UGT8: variants seen among roughly 807,000 people sequenced by gnomAD.
UGT8 encodes UDP glycosyltransferase 8.
Under a neutral mutation model 40.5 loss-of-function variants are expected in UGT8, and 12 were observed. The observed-to-expected ratio is 0.30, with a 90% CI of 0.19 to 0.48. The LOEUF is 0.48. Ranked by LOEUF, UGT8 falls within the 20% of genes least tolerant of loss-of-function variation. The pLI is 0.99. For missense variants in UGT8, 513 were observed against 648.7 expected, an observed-to-expected ratio of 0.79 and a Z score of 2.27; for synonymous variants, 224 against 240.4, an observed-to-expected ratio of 0.93 and a Z score of 0.63.
At chr4:114,611,464 A>G (rs1447511814) in intron 1 of UGT8, among the ~76,000 whole-genome samples, 2 of 141,784 alleles carry the variant, frequency 1.4e-5, no homozygotes, top group African/African-American at 5.2e-5. Context: ...ACACAGAGAT[A>G]TTAGATATAT....
rs753818310 is a variant in UGT8 at position 114,623,001 on chromosome 4, C to T, written c.121C>T (p.Leu41=). Residue 41 remains leucine (L), a synonymous_variant, in exon 2 of 6, where the codon CTA becomes TTA. Coordinates refer to ENST00000310836, the MANE Select transcript of UGT8 (RefSeq NM_001128174.3). The part of the protein sequence containing the change: ...FESHMYIFKT[L]ASALHERGHH... ...AAGCCATATGTACATTTTCAAGACGCTAGCCTCAGCCTTGCACGAGAGAGG... is the reference window on the plus strand; with the variant it reads ...AAGCCATATGTACATTTTCAAGACGTTAGCCTCAGCCTTGCACGAGAGAGG... 1.1e-5 allele frequency: 18 copies of T among 1,614,008 alleles called. No homozygotes were observed. The African/African-American group carries it at 1.9e-4, about 17-fold the overall frequency.
At chr4:114,615,042 G>A (rs1015579757) in intron 1 of UGT8, among the ~76,000 whole-genome samples, 12 of 152,086 alleles carry the variant, frequency 7.9e-5, no homozygotes, top group Non-Finnish European at 1.6e-4. Flanking sequence ...ACAGATGAAA[G>A]ATACATGTTT....
At chr4:114,610,000 C>A (rs1242394841) in intron 1 of UGT8, among the ~76,000 whole-genome samples, 1 of 152,098 alleles carries the variant, frequency 6.6e-6, no homozygotes. Context: ...GTCTAAGTAT[C>A]TAAGGCTTTA....
intron 1 of UGT8, among the ~76,000 whole-genome samples, chr4:114,610,673 T>C (rs2126087887): frequency 6.6e-6 from 1 of 152,270 alleles, no homozygotes; most frequent in African/African-American, 2.4e-5. Context: ...GTGATGATGG[T>C]AGAATTTTAT....
intron 5 of UGT8, among the ~76,000 whole-genome samples, chr4:114,669,994 C>T (rs993574171): frequency 5.9e-5 from 9 of 152,088 alleles, no homozygotes; most frequent in African/African-American, 2.2e-4. Context: ...TAGTTTGCCT[C>T]ACTAATATTG....
rs551184110 is a variant in UGT8, at chr4:114,676,427, G to A, written c.*139G>A. ...TTATGAGATCTACTAATGAAATTCT[G>A]TGGAATTAAGATGGCTGTAAAAAGC... On this transcript the variant is annotated 3_prime_UTR_variant, in exon 6 of 6. Transcript: ENST00000310836. The A allele has an allele frequency of 4.2e-6, 3 of 712,118 alleles. No individual in the cohort carries two copies. The highest frequency in any genetic ancestry group is 3.2e-5 in the Admixed American group (1 of 31,184). The allele number at this position is 712,118 out of a possible 1,614,324, so 44.1% of individuals were successfully genotyped here. A position where few individuals can be genotyped will look rare whatever the true frequency, so the allele number is the denominator to read the frequency against.
chr4:114,645,433 A>G (rs950985411), intron 2 of UGT8, among the ~76,000 whole-genome samples: 1 of 152,216 alleles, frequency 6.6e-6, no homozygotes. Context: ...TATCAAGCTC[A>G]GGTCTTTTTG....
rs117443808 is a variant in UGT8, at chr4:114,672,384, A to G, written c.1263-3541A>G. ...CACAAGCACACGTATGTTTATTGCA[A>G]TACAATTATAATAGCAAACACATAG... On this transcript the variant is annotated intron_variant, in intron 5 of 5. Coordinates refer to ENST00000310836, the MANE Select transcript of UGT8 (RefSeq NM_001128174.3). Among the ~76,000 whole-genome samples the G allele has an allele frequency of 1.9e-3, 285 of 152,212 alleles. 8 individuals carry two copies. In the East Asian group the frequency reaches 0.05, roughly 27 times the overall value.
intron 2 of UGT8, among the ~76,000 whole-genome samples, chr4:114,648,282 G>A (rs1008641222): frequency 6.6e-6 from 1 of 151,992 alleles, no homozygotes; most frequent in Admixed American, 6.6e-5. Flanking sequence ...TGCCTGTGGT[G>A]AGGAAGGAGG....
intron 2 of UGT8, among the ~76,000 whole-genome samples, chr4:114,629,058 C>T (rs1732419659): frequency 6.6e-6 from 1 of 152,044 alleles, no homozygotes; most frequent in Non-Finnish European, 1.5e-5. Context: ...AGTCTCTAGG[C>T]TTGGATATGA....
At chr4:114,674,483 C>G (rs1735495441) in intron 5 of UGT8, among the ~76,000 whole-genome samples, 1 of 152,108 alleles carries the variant, frequency 6.6e-6, no homozygotes, top group East Asian at 1.9e-4. Flanking sequence ...TTATTGAGGT[C>G]TTTTTAATGG....
At chr4:114,673,790 C>G (rs1735450521) in intron 5 of UGT8, among the ~76,000 whole-genome samples, 1 of 152,120 alleles carries the variant, frequency 6.6e-6, no homozygotes, top group Non-Finnish European at 1.5e-5. Flanking sequence ...TAAGCATTTT[C>G]TCATAAAATG....
At chr4:114,633,683 C>T (rs1194916787) in intron 2 of UGT8, among the ~76,000 whole-genome samples, 3 of 152,156 alleles carry the variant, frequency 2.0e-5, no homozygotes, top group East Asian at 1.9e-4. Context: ...TGGTGGCTTT[C>T]GCCTGTCATC....
At chr4:114,611,188 A>G (rs1229603154) in intron 1 of UGT8, among the ~76,000 whole-genome samples, 1 of 151,930 alleles carries the variant, frequency 6.6e-6, no homozygotes, top group Non-Finnish European at 1.5e-5. Context: ...TACACGTTAG[A>G]CTGTAAAGCC....
chr4:114,630,647 T>G (rs1379384011), intron 2 of UGT8, among the ~76,000 whole-genome samples: 1 of 152,088 alleles, frequency 6.6e-6, no homozygotes, highest in Non-Finnish European at 1.5e-5. Context: ...GGATTTTTTT[T>G]TTTTCTTTCT....
intron 1 of UGT8, among the ~76,000 whole-genome samples, chr4:114,607,844 C>T (rs1730824603): frequency 6.6e-6 from 1 of 152,104 alleles, no homozygotes; most frequent in Non-Finnish European, 1.5e-5. Context: ...TTGGTGTAGT[C>T]CCACATCACT....
rs535118671 is a variant in UGT8 at position 114,616,267 on chromosome 4, C to T, written c.-2-6612C>T. Among the ~76,000 whole-genome samples the T allele has an allele frequency of 5.7e-3, 867 of 152,290 alleles. 6 individuals carry two copies. Among genetic ancestry groups the T allele is most frequent in the Middle Eastern group, 0.017 (5 of 294 alleles). ...CTCCACCCAGTTCGAGCTTCCCGGC[C>T]GCCTTGTTTACCTACTCAAGCCTCG... On this transcript the variant is annotated intron_variant, in intron 1 of 5. Coordinates refer to ENST00000310836, the MANE Select transcript of UGT8 (RefSeq NM_001128174.3).
At position 114,668,198 on chromosome 4, in the gene UGT8, A is replaced by G. The variant is rs764180439; in HGVS notation, c.1156A>G (p.Thr386Ala). ...GIPLFGDHYD[T>A]MTRVQAKGMG... is the part of the protein sequence containing the mutation. ...TCCACTCTTTGGAGACCATTATGAT[A>G]CTATGACCAGAGTACAGGCAAAAGG... The change falls in exon 5 of 6, where the codon ACT becomes GCT. Residue 386 changes from threonine (T) to alanine (A), a missense_variant. Thr to Ala is a moderately conservative substitution (Grantham distance 58). Coordinates refer to ENST00000310836, the MANE Select transcript of UGT8 (RefSeq NM_001128174.3). 8.1e-6 allele frequency: 13 copies of G among 1,613,836 alleles called. No individual in the cohort carries two copies. The highest frequency in any genetic ancestry group is 1.3e-5 in the African/African-American group (1 of 74,912).
intron 2 of UGT8, among the ~76,000 whole-genome samples, chr4:114,650,851 A>G (rs2126121863): frequency 6.6e-6 from 1 of 152,190 alleles, no homozygotes; most frequent in South Asian, 2.1e-4. Context: ...TTTCATACAA[A>G]GGTTTTGATT....
Sources: gnomAD v4.1 joint callset for allele counts (sites outside exome capture counted in the v4.1 genomes callset) on GRCh38, gnomAD v4.1.1 for gene constraint, MANE v1.5 for transcripts, NCBI Gene and HGNC (gene_info 2026-07-23, HGNC 2026-07-21) for gene names.